Variants in UBE2F observed in about 807,000 individuals in gnomAD.
UBE2F encodes the protein ubiquitin conjugating enzyme E2 F (putative), also known as NEDD8-conjugating enzyme UBE2F.
In UBE2F, 5 loss-of-function variants were observed where a neutral mutation model predicts 29.6. That is an observed-to-expected ratio of 0.17 (90% CI 0.09 to 0.36). The LOEUF (loss-of-function observed/expected upper bound fraction) is 0.36, where lower values mean the gene tolerates loss of function less well. Among genes scored for constraint, UBE2F ranks in the 10% least tolerant of loss-of-function variants. UBE2F has a pLI of 1.00. For missense variants in UBE2F, 141 were observed against 228.5 expected (o/e 0.62, Z 2.47); for synonymous variants, 66 against 81.8 (o/e 0.81, Z 1.04).
chr2:238,003,779 C>T (rs1033905422), intron 4 of UBE2F, among the ~76,000 whole-genome samples: 6 of 152,142 alleles, frequency 3.9e-5, no homozygotes, highest in Admixed American at 3.3e-4. Flanking sequence ...CTATAATTTA[C>T]ATACAGTAAG....
chr2:237,975,908 A>C (rs2063272504), intron 2 of UBE2F, among the ~76,000 whole-genome samples: 1 of 150,898 alleles, frequency 6.6e-6, no homozygotes, highest in Non-Finnish European at 1.5e-5. Flanking sequence ...AAAGTGCTGG[A>C]CTAACAGGCA....
intron 4 of UBE2F, among the ~76,000 whole-genome samples, chr2:237,995,667 A>G (rs2063676180): frequency 6.6e-6 from 1 of 152,224 alleles, no homozygotes; most frequent in Non-Finnish European, 1.5e-5. Flanking sequence ...ACCCACAAAT[A>G]AGTCCCGGCC....
chr2:237,987,998 T>C lies in UBE2F; in HGVS notation c.148+6T>C. ...ACTTGAAGCTAATTTACCTTGTAAGTATAGCATCCCCAAACACTAAGTACT... is the reference window on the plus strand; with the variant it reads ...ACTTGAAGCTAATTTACCTTGTAAGCATAGCATCCCCAAACACTAAGTACT... On this transcript the variant is annotated splice_donor_region_variant and intron_variant, in intron 3 of 9. Coordinates refer to ENST00000272930, the MANE Select transcript of UBE2F (RefSeq NM_080678.3). 1 of 1,505,530 alleles carries C rather than the reference T, an allele frequency of 6.6e-7. No individual in the cohort carries two copies. Among genetic ancestry groups the C allele is most frequent in the Non-Finnish European group, 8.9e-7 (1 of 1,124,294 alleles). The allele number at this position is 1,505,530 out of a possible 1,614,324, so 93.3% of individuals were successfully genotyped here. A position where few individuals can be genotyped will look rare whatever the true frequency, so the allele number is the denominator to read the frequency against.
intron 2 of UBE2F, among the ~76,000 whole-genome samples, chr2:237,976,561 C>T (rs2063286024): frequency 2.0e-5 from 3 of 152,114 alleles, no homozygotes; most frequent in African/African-American, 7.2e-5. Context: ...ACAGGTAGTT[C>T]TCTGCTTCAA....
chr2:238,008,142 A>C (rs1159546075), intron 4 of UBE2F, among the ~76,000 whole-genome samples: 2 of 150,152 alleles, frequency 1.3e-5, no homozygotes, highest in East Asian at 3.9e-4. Flanking sequence ...TGTCCAGCTA[A>C]TTATTTTTTG....
chr2:238,007,529 T>A (rs866761833), intron 4 of UBE2F, among the ~76,000 whole-genome samples: 4 of 145,352 alleles, frequency 2.8e-5, no homozygotes, highest in African/African-American at 5.1e-5. Flanking sequence ...ATTTTTTTTT[T>A]AATCATGAAT....
intron 9 of UBE2F, among the ~76,000 whole-genome samples, chr2:238,037,795 G>C (rs916569128): frequency 6.6e-6 from 1 of 152,136 alleles, no homozygotes; most frequent in African/African-American, 2.4e-5. Context: ...TAGTAGTAGA[G>C]AGGGGGTTTT....
rs2064855769 is a variant in UBE2F, at chr2:238,042,728, C to T, written c.*1390C>T. 6.6e-6 allele frequency: 1 copy of T among 152,226 alleles called. No individual in the cohort carries two copies. The highest frequency in any genetic ancestry group is 1.5e-5 in the Non-Finnish European group (1 of 68,078). 9.4% of individuals were successfully genotyped at this position (152,226 alleles called of 1,614,324 possible). A position where few individuals can be genotyped will look rare whatever the true frequency, so the allele number is the denominator to read the frequency against. On this transcript the variant is annotated 3_prime_UTR_variant, in exon 10 of 10. Transcript: ENST00000272930. ...ATCTCTGATTGTGAGATCAGTCTGTCACGGAGACCCAGCAGGTGAGGAATG... is the reference window on the plus strand; with the variant it reads ...ATCTCTGATTGTGAGATCAGTCTGTTACGGAGACCCAGCAGGTGAGGAATG...
At chr2:237,999,362 A>C (rs899142723) in intron 4 of UBE2F, among the ~76,000 whole-genome samples, 6 of 152,144 alleles carry the variant, frequency 3.9e-5, no homozygotes, top group Admixed American at 2.6e-4. Flanking sequence ...GAGCCACCAC[A>C]TGTGGCTGAA....
At chr2:238,021,391 C>CA in intron 5 of UBE2F, among the ~76,000 whole-genome samples, 1 of 152,136 alleles carries the variant, frequency 6.6e-6, no homozygotes, top group Non-Finnish European at 1.5e-5. Context: ...CACGGCCATG[C>CA]AAAAATAGAA....
At chr2:238,002,900 G>A (rs572293435) in intron 4 of UBE2F, among the ~76,000 whole-genome samples, 25 of 152,272 alleles carry the variant, frequency 1.6e-4, no homozygotes, top group Middle Eastern at 3.4e-3. Context: ...CCAAAGTGCT[G>A]GGATTAAAGG....
At chr2:238,013,844 C>T (rs1166306364) in intron 4 of UBE2F, among the ~76,000 whole-genome samples, 1 of 152,146 alleles carries the variant, frequency 6.6e-6, no homozygotes, top group Non-Finnish European at 1.5e-5. Context: ...GTGCCAGGAA[C>T]TTCCCTCAGT....
intron 3 of UBE2F, 30 bp from the exon 4 acceptor site, chr2:237,994,714 G>C (rs2063657124): frequency 1.2e-6 from 2 of 1,601,536 alleles, no homozygotes; most frequent in African/African-American, 2.7e-5. Context: ...CTCACTGCCA[G>C]ACCTTCCTGA....
intron 8 of UBE2F, among the ~76,000 whole-genome samples, chr2:238,034,182 T>C (rs2106410558): frequency 1.3e-5 from 2 of 152,054 alleles, no homozygotes; most frequent in East Asian, 3.9e-4. Flanking sequence ...CCCAGCACTT[T>C]AGGAGGCGCT....
intron 4 of UBE2F, among the ~76,000 whole-genome samples, chr2:238,006,973 C>G (rs1291032048): frequency 6.6e-6 from 1 of 152,132 alleles, no homozygotes; most frequent in East Asian, 1.9e-4. Flanking sequence ...TCAGGCTGGT[C>G]TCGAACTCCC....
intron 5 of UBE2F, 114 bp from the exon 6 acceptor site, chr2:238,025,228 A>G (rs758539362): frequency 4.6e-6 from 4 of 875,506 alleles, no homozygotes; most frequent in Non-Finnish European, 7.5e-6. Context: ...CAAACTGCAC[A>G]CTGAGTCAGC....
At chr2:238,026,174 T>C (rs2064423803) in intron 6 of UBE2F, among the ~76,000 whole-genome samples, 1 of 152,214 alleles carries the variant, frequency 6.6e-6, no homozygotes. Flanking sequence ...CCTGCCCGGC[T>C]GCCCGGGGCA....
At chr2:238,009,460 T>G (rs186195695) in intron 4 of UBE2F, among the ~76,000 whole-genome samples, 1 of 152,368 alleles carries the variant, frequency 6.6e-6, no homozygotes, top group East Asian at 1.9e-4. Context: ...ACAGTTTGTT[T>G]TTCTGCAATG....
chr2:237,994,673 T>A, intron 3 of UBE2F, 71 bp from the exon 4 acceptor site: 1 of 1,292,718 alleles, frequency 7.7e-7, no homozygotes, highest in Non-Finnish European at 1.1e-6. Flanking sequence ...TTACACGTGT[T>A]CAAAGGTTAG....
Sources: gnomAD v4.1 joint callset for allele counts (sites outside exome capture counted in the v4.1 genomes callset) on GRCh38, gnomAD v4.1.1 for gene constraint, MANE v1.5 for transcripts, NCBI Gene and HGNC (gene_info 2026-07-23, HGNC 2026-07-21) for gene names.